Variants in PARD3B observed in about 807,000 individuals in gnomAD.
PARD3B encodes the protein par-3 family cell polarity regulator beta, also known as partitioning defective 3 homolog B.
In PARD3B, 103 loss-of-function variants were observed where a neutral mutation model predicts 130.2. That is an observed-to-expected ratio of 0.79 (90% CI 0.67 to 0.93). The LOEUF (loss-of-function observed/expected upper bound fraction) is 0.93. Among genes scored for constraint, PARD3B ranks in the 40% least tolerant of loss-of-function variants. The pLI is 0.00. For synonymous variants in PARD3B, 583 were observed against 553.2 expected, an observed-to-expected ratio of 1.05 and a Z score of -0.76; for missense variants, 1,609 against 1,499.2, an observed-to-expected ratio of 1.07 and a Z score of -1.21.
intron 1 of PARD3B, among the ~76,000 whole-genome samples, chr2:204,590,486 A>G (rs1574509515): frequency 6.6e-6 from 1 of 152,186 alleles, no homozygotes; most frequent in East Asian, 1.9e-4. Context: ...GTGGGTGTTA[A>G]AGCCCATGAC....
intron 16 of PARD3B, among the ~76,000 whole-genome samples, chr2:205,254,319 C>A (rs895467780): frequency 1.3e-5 from 2 of 151,860 alleles, no homozygotes; most frequent in Non-Finnish European, 2.9e-5. Context: ...AAATACTCAA[C>A]CTGGAAAATC....
intron 7 of PARD3B, among the ~76,000 whole-genome samples, chr2:205,119,721 G>T (rs1222083054): frequency 1.3e-5 from 2 of 152,124 alleles, no homozygotes; most frequent in Non-Finnish European, 2.9e-5. Context: ...GACAGAGGTT[G>T]CGGTGAGCCG....
Position 205,137,568 on chromosome 2 carries a change from C to T in PARD3B, c.1434+11831C>T, listed in dbSNP as rs73982708. On this transcript the variant is annotated intron_variant, in intron 10 of 22. Coordinates refer to ENST00000406610, the MANE Select transcript of PARD3B (RefSeq NM_001302769.2). ...CTTGCTATTTAACTTAACTACCCAC[C>T]ACTTTAAGAGTTAAAATTATGTTTT... 8.4e-3 allele frequency among the ~76,000 whole-genome samples: 1,286 copies of T among 152,314 alleles called. 20 individuals carry two copies. Among genetic ancestry groups the T allele is most frequent in the African/African-American group, 0.029 (1,221 of 41,574 alleles).
intron 15 of PARD3B, among the ~76,000 whole-genome samples, chr2:205,239,169 A>C (rs1485236067): frequency 6.6e-6 from 1 of 151,926 alleles, no homozygotes; most frequent in Non-Finnish European, 1.5e-5. Context: ...TGTAATTAGC[A>C]TCAGAATCCA....
At chr2:204,564,609 T>C (rs2031555887) in intron 1 of PARD3B, among the ~76,000 whole-genome samples, 1 of 152,182 alleles carries the variant, frequency 6.6e-6, no homozygotes, top group Admixed American at 6.5e-5. Context: ...TACTTATTTT[T>C]AGGAAAAATA....
chr2:205,095,489 T>G (rs1702341947), intron 4 of PARD3B, among the ~76,000 whole-genome samples: 1 of 152,132 alleles, frequency 6.6e-6, no homozygotes, highest in Non-Finnish European at 1.5e-5. Context: ...CATATTTGTG[T>G]AGGGAGAAGT....
intron 1 of PARD3B, among the ~76,000 whole-genome samples, chr2:204,602,908 C>A (rs1284331650): frequency 2.0e-5 from 3 of 152,090 alleles, no homozygotes; most frequent in Admixed American, 6.6e-5. Flanking sequence ...TCTATATTGC[C>A]ATATTGACCA....
intron 11 of PARD3B, among the ~76,000 whole-genome samples, chr2:205,161,667 T>G (rs1293733922): frequency 6.6e-6 from 1 of 152,206 alleles, no homozygotes; most frequent in Non-Finnish European, 1.5e-5. Context: ...AGGATACACA[T>G]GTAACAGACT....
intron 11 of PARD3B, among the ~76,000 whole-genome samples, chr2:205,162,484 A>G (rs1419522807): frequency 2.6e-5 from 4 of 152,260 alleles, no homozygotes; most frequent in African/African-American, 9.6e-5. Context: ...ACTAGCATGC[A>G]TTACATGTTT....
chr2:205,354,600 G>A (rs1485983935), intron 18 of PARD3B, among the ~76,000 whole-genome samples: 1 of 152,124 alleles, frequency 6.6e-6, no homozygotes, highest in East Asian at 1.9e-4. Flanking sequence ...TTATAAACAT[G>A]TGCCACCATG....
In PARD3B at chr2:205,421,011, C is replaced by A. The variant is rs959164243; in HGVS notation, c.2742-19359C>A. ...CAAAAATTAGCTGGATGTGGTGGGG[C>A]GTGCCCATAGTCCCAGCTACTCGGG... On this transcript the variant is annotated intron_variant, in intron 19 of 22. Transcript: ENST00000406610. This position sits in a 1 kb window ranked among gnomAD's most constrained non-coding sequence, Gnocchi z 5.1. Among the ~76,000 whole-genome samples, 1 of 151,968 alleles carries A rather than the reference C, an allele frequency of 6.6e-6. No individual in the cohort carries two copies. The highest frequency in any genetic ancestry group is 2.4e-5 in the African/African-American group (1 of 41,360).
At chr2:205,324,792 A>G (rs2042883137) in intron 18 of PARD3B, among the ~76,000 whole-genome samples, 1 of 152,074 alleles carries the variant, frequency 6.6e-6, no homozygotes, top group Non-Finnish European at 1.5e-5. Flanking sequence ...AGAGTCTGTA[A>G]ACCAGACTCC....
chr2:204,553,667 T>TATATATATATATACACAC (rs2030680418), intron 1 of PARD3B, among the ~76,000 whole-genome samples: 1 of 32,324 alleles, frequency 3.1e-5, no homozygotes, highest in East Asian at 2.3e-3. Context: ...TATATATATA[T>TATATATATATATACACAC]ATATATATAT....
Position 205,584,186 on chromosome 2 carries a change from CTG to C in PARD3B, c.3260+30784_3260+30785del, listed in dbSNP as rs1287741610. Among the ~76,000 whole-genome samples the C allele has an allele frequency of 2.6e-5, 4 of 152,122 alleles. No individual in the cohort carries two copies. The highest frequency in any genetic ancestry group is 9.7e-5 in the African/African-American group (4 of 41,432). ...GGGGCTATCAGACATTTAAATGTGT[CTG>C]AATTATGATGTGCTTTAAATGTAAA... On this transcript the variant is annotated intron_variant, in intron 22 of 22. Transcript: ENST00000406610. The surrounding 1 kb of genome is among the most constrained non-coding windows in gnomAD (Gnocchi z 5.5).
intron 4 of PARD3B, among the ~76,000 whole-genome samples, chr2:205,073,244 T>A (rs1480866030): frequency 2.0e-5 from 3 of 152,170 alleles, no homozygotes; most frequent in Non-Finnish European, 4.4e-5. Context: ...TCCCCTCTTG[T>A]GTAAACAGCA....
intron 2 of PARD3B, among the ~76,000 whole-genome samples, chr2:204,829,216 A>G (rs892674100): frequency 6.6e-6 from 1 of 152,222 alleles, no homozygotes; most frequent in Non-Finnish European, 1.5e-5. Context: ...TGTAAATTCT[A>G]TAAGTTCATA....
intron 2 of PARD3B, among the ~76,000 whole-genome samples, chr2:204,746,380 A>T (rs2040229730): frequency 6.6e-6 from 1 of 151,700 alleles, no homozygotes; most frequent in Admixed American, 6.6e-5. Flanking sequence ...CCAGTCTATC[A>T]CTGATGGACA....
At chr2:204,648,642 TTATA>T (rs1314283450) in intron 1 of PARD3B, among the ~76,000 whole-genome samples, 1 of 117,654 alleles carries the variant, frequency 8.5e-6, no homozygotes, top group Non-Finnish European at 1.6e-5. Flanking sequence ...ATAATATATA[TTATA>T]TATATAATAT....
intron 1 of PARD3B, among the ~76,000 whole-genome samples, chr2:204,577,949 C>G (rs1163156303): frequency 6.6e-6 from 1 of 152,050 alleles, no homozygotes; most frequent in South Asian, 2.1e-4. Flanking sequence ...TGGCTTTGTC[C>G]CCTAGGACAT....
Sources: allele counts gnomAD v4.1 joint callset (sites outside exome capture counted in the v4.1 genomes callset), GRCh38; gene constraint gnomAD v4.1.1; non-coding constraint Gnocchi (gnomAD v3.1); transcripts MANE v1.5; gene names NCBI Gene and HGNC (gene_info 2026-07-23, HGNC 2026-07-21).